The following EP400 variants were observed in gnomAD, a reference collection of about 807,000 sequenced individuals.
EP400 encodes E1A binding protein p400, also known as E1A-binding protein p400.
EP400 carries 105 observed loss-of-function variants against 354.1 expected under a neutral mutation model. The ratio of observed to expected loss-of-function variants is 0.30; its 90% CI spans 0.25 to 0.35. The LOEUF (loss-of-function observed/expected upper bound fraction) is 0.35, where lower values mean the gene tolerates loss of function less well. EP400 is among the 10% of genes least tolerant of loss of function. EP400 has a pLI of 1.00. For missense variants in EP400, 3,280 were observed against 4,121.0 expected (o/e 0.80, Z 5.59); for synonymous variants, 1,646 against 1,716.9 (o/e 0.96, Z 1.02).
At chr12:131,959,679 G>A (rs1228474246) in intron 1 of EP400, among the ~76,000 whole-genome samples, 1 of 152,204 alleles carries the variant, frequency 6.6e-6, no homozygotes, top group Non-Finnish European at 1.5e-5. Context: ...GCCAGGTCCT[G>A]GCCATCTCCT....
intron 23 of EP400, among the ~76,000 whole-genome samples, chr12:132,022,317 G>A (rs775444438): frequency 6.6e-6 from 1 of 152,202 alleles, no homozygotes; most frequent in Non-Finnish European, 1.5e-5. Context: ...CCTCACCTGT[G>A]TATGGAACAA....
intron 30 of EP400, among the ~76,000 whole-genome samples, chr12:132,037,217 G>A (rs1420600731): frequency 6.6e-6 from 1 of 152,190 alleles, no homozygotes; most frequent in Non-Finnish European, 1.5e-5. Flanking sequence ...CCTCTTGTGG[G>A]TCTGGTAGTG....
chr12:132,027,492 G>C lies in EP400; in HGVS notation c.5070G>C (p.Thr1690=), dbSNP rs781113891. The stretch of plus-strand genomic sequence containing the variant: ...CCTTGGCTGTAGGAGAACCCGGAAC[G>C]GCCTCCAAACCAGCTTCTCCCATTG... ...VNALAVGEPG[T]ASKPASPIGG... The change falls in exon 26 of 53, where the codon ACG becomes ACC. Residue 1690 remains threonine, a synonymous_variant. Transcript: ENST00000389561. The surrounding 1 kb of genome is among the most constrained non-coding windows in gnomAD (Gnocchi z 4.9). The C allele has an allele frequency of 1.9e-6, 3 of 1,613,742 alleles. No individual in the cohort carries two copies. The highest frequency in any genetic ancestry group is 1.7e-4 in the Middle Eastern group (1 of 6,060).
intron 12 of EP400, among the ~76,000 whole-genome samples, chr12:131,996,789 T>C (rs996281471): frequency 1.6e-4 from 25 of 152,320 alleles, no homozygotes; most frequent in African/African-American, 6.0e-4. Flanking sequence ...TTTCTTCCTT[T>C]GTTCATTTTG....
chr12:131,976,743 C>CA (rs1199060076), intron 2 of EP400, among the ~76,000 whole-genome samples: 3 of 152,114 alleles, frequency 2.0e-5, no homozygotes, highest in Non-Finnish European at 4.4e-5. Context: ...CAAACAGCAA[C>CA]AAAAAACCTG....
rs1895440924 is a variant in EP400 at position 132,055,153 on chromosome 12, C to T, written c.7829C>T (p.Thr2610Ile). 6.2e-7 allele frequency: 1 copy of T among 1,603,566 alleles called. No homozygotes were observed. The highest frequency in any genetic ancestry group is 1.3e-5 in the African/African-American group (1 of 74,564). Reference sequence around the variant, plus strand: ...ACCATCGCAGGGGTCCCAGCTGCCACCTTCCAGTCCATCAACAAGCGCCTG... The same window carrying T: ...ACCATCGCAGGGGTCCCAGCTGCCATCTTCCAGTCCATCAACAAGCGCCTG... ...VNTIAGVPAA[T>I]FQSINKRLAS... Residue 2610 changes from threonine (T) to isoleucine (I), a missense_variant, in exon 45 of 53, where the codon ACC becomes ATC. Transcript: ENST00000389561.
rs572014291 is a variant in EP400, at chr12:132,049,572, T to C, written c.7201-751T>C. 7.2e-5 allele frequency among the ~76,000 whole-genome samples: 11 copies of C among 152,176 alleles called. 1 individual carries two copies. In the South Asian group the frequency reaches 1.9e-3, roughly 26 times the overall value. On this transcript the variant is annotated intron_variant, in intron 39 of 52. Coordinates refer to ENST00000389561, the MANE Select transcript of EP400 (RefSeq NM_015409.5). ...GTGCTGCTGTGTCATGTGAGAGTCT[T>C]GGTTTTCGCCTTGGCACACTCTCTT...
chr12:131,984,276 C>G (rs967823893), intron 5 of EP400, among the ~76,000 whole-genome samples: 1 of 152,192 alleles, frequency 6.6e-6, no homozygotes, highest in Admixed American at 6.5e-5. Context: ...TAATAGCTAT[C>G]TCTTATTCAC....
In EP400 at chr12:132,017,850, ATGGCACCGTC is replaced by A; in HGVS notation, c.4110+131_4110+140del. 9.5e-7 allele frequency: 1 copy of A among 1,056,686 alleles called. No individual in the cohort carries two copies. Among genetic ancestry groups the A allele is most frequent in the South Asian group, 1.8e-5 (1 of 57,136 alleles). The allele number at this position is 1,056,686 out of a possible 1,614,324, so 65.5% of individuals were successfully genotyped here. A position where few individuals can be genotyped will look rare whatever the true frequency, so the allele number is the denominator to read the frequency against. ...AATTGCAATTGCAGCTCCGCGATAC[ATGGCACCGTC>A]TAGCAGCACTGATGGCCTGCCACCC... is the stretch of plus-strand genomic sequence containing the variant. On this transcript the variant is annotated intron_variant, in intron 20 of 52. Coordinates refer to ENST00000389561, the MANE Select transcript of EP400 (RefSeq NM_015409.5). The surrounding 1 kb of genome is among the most constrained non-coding windows in gnomAD (Gnocchi z 5.0).
chr12:131,959,755 T>C (rs1891814982), intron 1 of EP400, among the ~76,000 whole-genome samples: 1 of 152,198 alleles, frequency 6.6e-6, no homozygotes, highest in African/African-American at 2.4e-5. Context: ...AATGTTGAGA[T>C]CTGAGGCTGT....
Position 132,017,889 on chromosome 12 carries a change from G to T in EP400, c.4110+168G>T, listed in dbSNP as rs1893997171. ...CAGCACTGATGGCCTGCCACCCCTT[G>T]CCGGAGTGTTCCACCTCCGGAAATT... On this transcript the variant is annotated intron_variant, in intron 20 of 52. Coordinates refer to ENST00000389561, the MANE Select transcript of EP400 (RefSeq NM_015409.5). This position sits in a 1 kb window ranked among gnomAD's most constrained non-coding sequence, Gnocchi z 5.0. 6.6e-6 allele frequency among the ~76,000 whole-genome samples: 1 copy of T among 152,254 alleles called. No homozygotes were observed. The highest frequency in any genetic ancestry group is 1.5e-5 in the Non-Finnish European group (1 of 68,048).
chr12:132,043,274 C>G, intron 32 of EP400, 30 bp from the exon 33 acceptor site: 1 of 1,591,150 alleles, frequency 6.3e-7, no homozygotes. Flanking sequence ...AAAAGTCTAT[C>G]AAGGCAATCT....
chr12:131,999,542 G>A (rs965143838), intron 12 of EP400, among the ~76,000 whole-genome samples: 1 of 152,038 alleles, frequency 6.6e-6, no homozygotes, highest in African/African-American at 2.4e-5. Context: ...GGGTTCAAGC[G>A]ATTCTCCTGC....
rs1893059399 is a variant in EP400, at chr12:131,992,101, A to C, written c.2680-72A>C. The C allele has an allele frequency of 2.6e-6, 4 of 1,535,506 alleles. No individual in the cohort carries two copies. The Admixed American group carries it at 6.7e-5, about 26-fold the overall frequency. On this transcript the variant is annotated intron_variant, in intron 10 of 52. Coordinates refer to ENST00000389561, the MANE Select transcript of EP400 (RefSeq NM_015409.5). ...GGGGCTCCCCCAACCTGTCCCATGG[A>C]CACTGCTGTCTTGGTTTCCCATTCT...
chr12:131,953,145 C>G (rs1311777162), intron 1 of EP400, among the ~76,000 whole-genome samples: 1 of 152,196 alleles, frequency 6.6e-6, no homozygotes, highest in East Asian at 1.9e-4. Flanking sequence ...ATCCCAGTTC[C>G]TGAACAGATG....
rs190477060 is a variant in EP400 at position 131,989,704 on chromosome 12, G to A, written c.2410-260G>A. ...GGAAAAGAAGATTATAGCACAATGT[G>A]GTATTCTAGTTTTGAGGAAAATAAT... On this transcript the variant is annotated intron_variant, in intron 7 of 52. Coordinates refer to ENST00000389561, the MANE Select transcript of EP400 (RefSeq NM_015409.5). Among the ~76,000 whole-genome samples the A allele has an allele frequency of 6.1e-3, 923 of 152,254 alleles. 11 individuals carry two copies. Among genetic ancestry groups the A allele is most frequent in the African/African-American group, 0.021 (880 of 41,524 alleles).
chr12:131,954,281 G>C (rs902171637), intron 1 of EP400, among the ~76,000 whole-genome samples: 2 of 151,542 alleles, frequency 1.3e-5, no homozygotes, highest in African/African-American at 4.8e-5. Context: ...TCTCTGTAGA[G>C]AGTTGAATTA....
intron 52 of EP400, 103 bp from the exon 53 acceptor site, chr12:132,077,298 C>CA (rs1896266381): frequency 2.9e-6 from 4 of 1,397,816 alleles, no homozygotes; most frequent in Non-Finnish European, 2.0e-6. Flanking sequence ...AAAGCATAGT[C>CA]AGTGAAGTTT....
At chr12:132,030,336 G>A (rs548812006) in intron 29 of EP400, among the ~76,000 whole-genome samples, 178 bp downstream of exon 29, 25 of 152,300 alleles carry the variant, frequency 1.6e-4, no homozygotes, top group African/African-American at 5.8e-4. Context: ...TAAAAGCCAC[G>A]TTGTTAGGTA....
Sources: allele counts gnomAD v4.1 joint callset (sites outside exome capture counted in the v4.1 genomes callset), GRCh38; gene constraint gnomAD v4.1.1; non-coding constraint Gnocchi (gnomAD v3.1); transcripts MANE v1.5; gene names NCBI Gene and HGNC (gene_info 2026-07-23, HGNC 2026-07-21).